Variants in DOCK3 observed in about 807,000 individuals in gnomAD.
DOCK3 encodes the protein dedicator of cytokinesis protein 3.
DOCK3 carries 60 observed loss-of-function variants against 265.6 expected under a neutral mutation model. The ratio of observed to expected loss-of-function variants is 0.23; its 90% CI spans 0.18 to 0.28. The LOEUF (loss-of-function observed/expected upper bound fraction) is 0.28. Among genes scored for constraint, DOCK3 ranks in the 10% least tolerant of loss-of-function variants. DOCK3 has a pLI of 1.00. For missense variants in DOCK3, 1,981 were observed against 2,594.3 expected (o/e 0.76, Z 5.14); for synonymous variants, 881 against 938.0 (o/e 0.94, Z 1.11).
At chr3:50,836,132 G>C (rs1323068690) in intron 2 of DOCK3, among the ~76,000 whole-genome samples, 1 of 152,160 alleles carries the variant, frequency 6.6e-6, no homozygotes, top group Non-Finnish European at 1.5e-5. Context: ...ATTTTGAGAG[G>C]GATCTATTAC....
chr3:50,732,265 G>T (rs377611937), intron 1 of DOCK3, among the ~76,000 whole-genome samples: 2 of 152,096 alleles, frequency 1.3e-5, no homozygotes, highest in East Asian at 1.9e-4. Flanking sequence ...GGGTGGTGGG[G>T]CTGGGGCAGG....
At chr3:50,758,537 G>A (rs983409923) in intron 1 of DOCK3, among the ~76,000 whole-genome samples, 9 of 152,024 alleles carry the variant, frequency 5.9e-5, no homozygotes, top group East Asian at 1.9e-4. Flanking sequence ...TGAACGCGCC[G>A]ATCTCGTCTG....
At chr3:51,160,814 C>G in intron 12 of DOCK3, 112 bp downstream of exon 12, 5 of 1,310,686 alleles carry the variant, frequency 3.8e-6, no homozygotes, top group Non-Finnish European at 2.0e-6. Context: ...CAGTGGCTCA[C>G]GCCTGTATTC....
chr3:50,893,812 T>C (rs953407455), intron 4 of DOCK3, among the ~76,000 whole-genome samples: 10 of 151,980 alleles, frequency 6.6e-5, no homozygotes, highest in South Asian at 2.1e-4. Flanking sequence ...AAGATGTTCA[T>C]GTCCTTTGTA....
At chr3:51,148,575 C>G (rs1258482799) in intron 10 of DOCK3, among the ~76,000 whole-genome samples, 1 of 152,164 alleles carries the variant, frequency 6.6e-6, no homozygotes, top group Admixed American at 6.5e-5. Context: ...AGCCAGTTTT[C>G]CCAGCACCAT....
chr3:50,907,849 A>G (rs2049615873), intron 4 of DOCK3, among the ~76,000 whole-genome samples: 1 of 151,936 alleles, frequency 6.6e-6, no homozygotes, highest in African/African-American at 2.4e-5. Flanking sequence ...TGAGCTGTAT[A>G]TCCTTCTGGT....
intron 9 of DOCK3, among the ~76,000 whole-genome samples, chr3:51,114,951 T>C (rs991207122): frequency 6.6e-6 from 1 of 152,122 alleles, no homozygotes; most frequent in Non-Finnish European, 1.5e-5. Context: ...ATGGTTTCCA[T>C]CTTCATTCAT....
intron 2 of DOCK3, among the ~76,000 whole-genome samples, chr3:50,821,911 T>C (rs933037472): frequency 9.2e-5 from 14 of 152,170 alleles, no homozygotes; most frequent in African/African-American, 3.4e-4. Context: ...TTGATTACTG[T>C]AGCCTAATAG....
At chr3:51,045,178 T>C (rs1240164043) in intron 5 of DOCK3, among the ~76,000 whole-genome samples, 1 of 152,172 alleles carries the variant, frequency 6.6e-6, no homozygotes, top group African/African-American at 2.4e-5. Context: ...GACAGATGCA[T>C]GACTCTTGTT....
intron 1 of DOCK3, among the ~76,000 whole-genome samples, chr3:50,677,617 A>G (rs1231307118): frequency 1.3e-5 from 2 of 152,142 alleles, no homozygotes; most frequent in Non-Finnish European, 2.9e-5. Flanking sequence ...CCTTACACTT[A>G]CTTCCTACCA....
rs1374453616 is a variant in DOCK3 at position 51,333,268 on chromosome 3, A to C, written c.3611+15A>C. 6.2e-7 allele frequency: 1 copy of C among 1,609,810 alleles called. No individual in the cohort carries two copies. The highest frequency in any genetic ancestry group is 2.1e-4 in the Middle Eastern group (1 of 4,692). ...CTTGACTACAGGTATCTTCTCAGCC[A>C]CCCGCTCCCCTCTTCCCTTGTCAGG... On this transcript the variant is annotated intron_variant, in intron 35 of 52. Transcript: ENST00000266037.
chr3:51,214,451 A>G (rs1243128164), intron 14 of DOCK3, among the ~76,000 whole-genome samples: 1 of 152,220 alleles, frequency 6.6e-6, no homozygotes, highest in African/African-American at 2.4e-5. Flanking sequence ...AGAAGCCCCT[A>G]CATTACATTC....
intron 2 of DOCK3, among the ~76,000 whole-genome samples, chr3:50,779,427 A>T (rs772164154): frequency 2.0e-5 from 3 of 151,846 alleles, no homozygotes; most frequent in Non-Finnish European, 4.4e-5. Flanking sequence ...CTTGTTGCCT[A>T]GGCTGGAGCG....
At chr3:51,082,309 A>G (rs2082270389) in intron 7 of DOCK3, among the ~76,000 whole-genome samples, 1 of 151,802 alleles carries the variant, frequency 6.6e-6, no homozygotes, top group African/African-American at 2.4e-5. Context: ...CCGAATCTCC[A>G]CACCCCTGGA....
In DOCK3 at chr3:50,703,105, G is replaced by T. The variant is rs949130315; in HGVS notation, c.37+27805G>T. On this transcript the variant is annotated intron_variant, in intron 1 of 52. Transcript: ENST00000266037. ...TCTGCATCCATTGATTTGATCATAT[G>T]CTTTTTATTCTTCATTTTGTCGATG... 2.6e-5 allele frequency among the ~76,000 whole-genome samples: 4 copies of T among 152,016 alleles called. No individual in the cohort carries two copies. In the East Asian group the frequency reaches 7.7e-4, roughly 29 times the overall value.
In DOCK3 at chr3:51,236,402, T is replaced by C. The variant is rs779606739; in HGVS notation, c.1975T>C (p.Tyr659His). Residue 659 changes from tyrosine (Y) to histidine (H), a missense_variant, in exon 20 of 53, where the codon TAC becomes CAC. Around this residue, in one of 4 missense-constraint regions of DOCK3, gnomAD observed 1,357 missense variants for 1,866.8 expected, o/e 0.73. Coordinates refer to ENST00000266037, the MANE Select transcript of DOCK3 (RefSeq NM_004947.5). The stretch of plus-strand genomic sequence containing the variant: ...GATTTTGGATGATAATACAGAGAAG[T>C]ACGGCCTGTTGGTTTTTCAGTCTCT... ...FVILDDNTEK[Y>H]GLLVFQSLVF... 1.9e-6 allele frequency: 3 copies of C among 1,611,176 alleles called. No homozygotes were observed. The highest frequency in any genetic ancestry group is 2.5e-6 in the Non-Finnish European group (3 of 1,179,154).
chr3:50,739,806 C>T (rs1410443619), intron 1 of DOCK3, among the ~76,000 whole-genome samples: 5 of 152,000 alleles, frequency 3.3e-5, no homozygotes, highest in East Asian at 1.9e-4. Context: ...CCTTCTCTAT[C>T]GATTGGCAAC....
intron 48 of DOCK3, 83 bp from the exon 49 acceptor site, chr3:51,362,444 G>A: frequency 1.3e-6 from 2 of 1,565,180 alleles, no homozygotes; most frequent in South Asian, 1.2e-5. Context: ...GAACACCTCA[G>A]GGCATGAAAA....
intron 3 of DOCK3, among the ~76,000 whole-genome samples, chr3:50,879,510 A>G (rs973246810): frequency 3.9e-5 from 6 of 152,234 alleles, no homozygotes; most frequent in Non-Finnish European, 7.3e-5. Context: ...CTTTAAACCA[A>G]CAAAGATCAA....
Sources: allele counts gnomAD v4.1 joint callset (sites outside exome capture counted in the v4.1 genomes callset), GRCh38; gene constraint gnomAD v4.1.1; regional missense constraint gnomAD v4.1.1; transcripts MANE v1.5; gene names NCBI Gene and HGNC (gene_info 2026-07-23, HGNC 2026-07-21).